Variants in PPP1R16B observed in about 807,000 individuals in gnomAD.
PPP1R16B encodes protein phosphatase 1 regulatory subunit 16B.
A neutral mutation model predicts 61.7 loss-of-function variants in PPP1R16B; 14 were observed. The ratio of observed to expected loss-of-function variants is 0.23; its 90% CI spans 0.15 to 0.35. The LOEUF is 0.35. Ranked by LOEUF, PPP1R16B falls within the 10% of genes least tolerant of loss-of-function variation. PPP1R16B has a pLI of 1.00. For synonymous variants in PPP1R16B, 266 were observed against 305.3 expected, an observed-to-expected ratio of 0.87 and a Z score of 1.34; for missense variants, 547 against 752.5, an observed-to-expected ratio of 0.73 and a Z score of 3.19.
At chr20:38,869,488 CTG>C (rs1193538841) in intron 2 of PPP1R16B, among the ~76,000 whole-genome samples, 1 of 152,282 alleles carries the variant, frequency 6.6e-6, no homozygotes, top group African/African-American at 2.4e-5. Flanking sequence ...AACTGCCAAA[CTG>C]TTTTCCACAG....
chr20:38,845,165 T>C (rs1447975078), intron 2 of PPP1R16B, among the ~76,000 whole-genome samples: 1 of 152,150 alleles, frequency 6.6e-6, no homozygotes. Flanking sequence ...GCAAGTCAAC[T>C]GGCTTCCTCA....
rs776945736 is a variant in PPP1R16B at position 38,836,137 on chromosome 20, C to A, written c.212C>A (p.Ala71Asp). 2.5e-6 allele frequency: 4 copies of A among 1,612,040 alleles called. No homozygotes were observed. The South Asian group carries it at 4.4e-5, about 18-fold the overall frequency. Residue 71 changes from alanine to aspartate, a missense_variant, in exon 2 of 11, where the codon GCC (alanine) becomes GAC (aspartate). By Grantham distance (126) the Ala-to-Asp change is moderately radical. Transcript: ENST00000299824. ...AAAGTGTCCTTCGAGGCCAGCGTGG[C>A]CCTGCTGGAGGCCTCGCTGAGGAAC... ...RKKVSFEASV[A>D]LLEASLRNDA...
chr20:38,918,770 G>A lies in PPP1R16B; in HGVS notation c.*104G>A. The A allele has an allele frequency of 3.0e-6, 4 of 1,321,448 alleles. No individual in the cohort carries two copies. Among genetic ancestry groups the A allele is most frequent in the Non-Finnish European group, 4.0e-6 (4 of 1,008,978 alleles). 81.9% of individuals were successfully genotyped at this position (1,321,448 alleles called of 1,614,324 possible). Reference sequence around the variant, plus strand: ...GGTGTCAGGGCAGCTGGGGAGAGGTGGGCTCTGCTTTTCAGAGGAACTCAG... The same window carrying A: ...GGTGTCAGGGCAGCTGGGGAGAGGTAGGCTCTGCTTTTCAGAGGAACTCAG... On this transcript the variant is annotated 3_prime_UTR_variant, in exon 11 of 11. Transcript: ENST00000299824. The surrounding 1 kb of genome is among the most constrained non-coding windows in gnomAD (Gnocchi z 5.3).
At chr20:38,815,523 T>C (rs1007336891) in intron 1 of PPP1R16B, among the ~76,000 whole-genome samples, 5 of 152,226 alleles carry the variant, frequency 3.3e-5, no homozygotes, top group Non-Finnish European at 5.9e-5. Flanking sequence ...TACTGATGAT[T>C]TTATTCATAA....
chr20:38,823,214 C>A (rs947241443), intron 1 of PPP1R16B, among the ~76,000 whole-genome samples: 2 of 152,212 alleles, frequency 1.3e-5, no homozygotes, highest in Non-Finnish European at 2.9e-5. Context: ...GGGATGGAAA[C>A]TTCACTTACC....
At chr20:38,824,550 C>T (rs766103117) in intron 1 of PPP1R16B, among the ~76,000 whole-genome samples, 2 of 152,218 alleles carry the variant, frequency 1.3e-5, no homozygotes, top group African/African-American at 2.4e-5. Flanking sequence ...AGTTCCATCC[C>T]ACACTGGCTA....
At chr20:38,842,162 G>A (rs894143655) in intron 2 of PPP1R16B, among the ~76,000 whole-genome samples, 5 of 152,184 alleles carry the variant, frequency 3.3e-5, no homozygotes, top group African/African-American at 7.2e-5. Flanking sequence ...CAGTTTCTCC[G>A]AAGCCCATGT....
intron 3 of PPP1R16B, among the ~76,000 whole-genome samples, chr20:38,893,292 G>A (rs2085305203): frequency 6.6e-6 from 1 of 152,178 alleles, no homozygotes; most frequent in Non-Finnish European, 1.5e-5. Context: ...TGTAGCTCCA[G>A]TGCAACAAAG....
chr20:38,848,005 ACT>A (rs1331354140), intron 2 of PPP1R16B, among the ~76,000 whole-genome samples: 1 of 152,084 alleles, frequency 6.6e-6, no homozygotes, highest in African/African-American at 2.4e-5. Flanking sequence ...AAATCTTCCC[ACT>A]GTCTGTTTTT....
At chr20:38,815,718 G>T (rs2084731136) in intron 1 of PPP1R16B, among the ~76,000 whole-genome samples, 1 of 152,164 alleles carries the variant, frequency 6.6e-6, no homozygotes, top group African/African-American at 2.4e-5. Context: ...TCTGCATAAG[G>T]TTCTACAGTA....
At chr20:38,873,749 T>G (rs2085146889) in intron 2 of PPP1R16B, among the ~76,000 whole-genome samples, 2 of 150,780 alleles carry the variant, frequency 1.3e-5, no homozygotes, top group Admixed American at 1.3e-4. Flanking sequence ...TTTTGTTTTT[T>G]TTTTTTTGAG....
chr20:38,809,984 C>T (rs28420124), intron 1 of PPP1R16B, among the ~76,000 whole-genome samples: 346 of 22,606 alleles, frequency 0.015, 2 homozygotes, highest in African/African-American at 0.065. Flanking sequence ...GACCTTGTTT[C>T]GAAAAAAAAA....
At chr20:38,847,909 T>C (rs2145727370) in intron 2 of PPP1R16B, among the ~76,000 whole-genome samples, 1 of 152,344 alleles carries the variant, frequency 6.6e-6, no homozygotes, top group East Asian at 1.9e-4. Flanking sequence ...TTGTCAAACC[T>C]AATGATACTT....
intron 1 of PPP1R16B, among the ~76,000 whole-genome samples, chr20:38,822,235 G>A (rs1181121536): frequency 2.6e-5 from 4 of 151,242 alleles, no homozygotes; most frequent in Admixed American, 6.6e-5. Flanking sequence ...TCAGAATTTG[G>A]GGCTACTGTT....
Position 38,918,024 on chromosome 20 carries a change from C to G in PPP1R16B, c.1195-133C>G. On this transcript the variant is annotated intron_variant, in intron 10 of 10. Transcript: ENST00000299824. The surrounding 1 kb of genome is among the most constrained non-coding windows in gnomAD (Gnocchi z 5.3). ...GATTGGGGGTTCCCCAAAGGAAAAC[C>G]CTGGCCCCGATACCCAGGGAGAGAA... is the stretch of plus-strand genomic sequence containing the variant. 1 of 1,262,232 alleles carries G rather than the reference C, an allele frequency of 7.9e-7. No individual in the cohort carries two copies. The highest frequency in any genetic ancestry group is 1.1e-6 in the Non-Finnish European group (1 of 910,748). The allele number at this position is 1,262,232 out of a possible 1,614,324, so 78.2% of individuals were successfully genotyped here.
intron 2 of PPP1R16B, among the ~76,000 whole-genome samples, chr20:38,855,978 A>AGGAGGAGGGGGAGGAG (rs1555804346): frequency 3.4e-5 from 1 of 29,752 alleles, no homozygotes; most frequent in African/African-American, 2.3e-4. Flanking sequence ...AGAGAGAGAG[A>AGGAGGAGGGGGAGGAG]GAGAAGGAGG....
In PPP1R16B at chr20:38,898,460, T is replaced by A. The variant is rs148104586; in HGVS notation, c.468-2121T>A. Among the ~76,000 whole-genome samples, 585 of 152,298 alleles carry A rather than the reference T, an allele frequency of 3.8e-3. 1 individual carries two copies. The highest frequency in any genetic ancestry group is 4.7e-3 in the Non-Finnish European group (321 of 68,008). ...TCTTCTTTTTCAGGGTTGTGTTGGCTATTCAGGTTCCTTGAGATTCCCTAT... is the reference window on the plus strand; with the variant it reads ...TCTTCTTTTTCAGGGTTGTGTTGGCAATTCAGGTTCCTTGAGATTCCCTAT... On this transcript the variant is annotated intron_variant, in intron 4 of 10. Transcript: ENST00000299824.
chr20:38,870,833 A>T (rs208806), intron 2 of PPP1R16B, among the ~76,000 whole-genome samples: 9,395 of 152,192 alleles, frequency 0.062, 377 homozygotes, highest in South Asian at 0.11. Context: ...AGTGTCTTGC[A>T]GCCTCTCAAA....
chr20:38,877,542 C>T (rs189444785), intron 2 of PPP1R16B, among the ~76,000 whole-genome samples: 180 of 152,204 alleles, frequency 1.2e-3, no homozygotes, highest in African/African-American at 3.9e-3. Context: ...GAAATCCTGA[C>T]GTCAGGTGAT....
Sources: allele counts gnomAD v4.1 joint callset (sites outside exome capture counted in the v4.1 genomes callset), GRCh38; gene constraint gnomAD v4.1.1; non-coding constraint Gnocchi (gnomAD v3.1); transcripts MANE v1.5; gene names NCBI Gene and HGNC (gene_info 2026-07-23, HGNC 2026-07-21).